DCC: variants seen among roughly 807,000 people sequenced by gnomAD.
DCC encodes DCC netrin 1 receptor.
Under a neutral mutation model 172.5 loss-of-function variants are expected in DCC, and 58 were observed. The observed-to-expected ratio is 0.34, with a 90% CI of 0.27 to 0.42. The LOEUF is 0.42. Ranked by LOEUF, DCC falls within the 10% of genes least tolerant of loss-of-function variation. DCC has a pLI of 1.00. For missense variants in DCC, 1,740 were observed against 1,791.0 expected, an observed-to-expected ratio of 0.97 and a Z score of 0.51; for synonymous variants, 709 against 644.5, an observed-to-expected ratio of 1.10 and a Z score of -1.52.
chr18:52,750,631 G>T (rs1000923282), intron 1 of DCC, among the ~76,000 whole-genome samples: 2 of 152,176 alleles, frequency 1.3e-5, no homozygotes, highest in Admixed American at 1.3e-4. Flanking sequence ...AATTGAGTAT[G>T]CAGGAACGAA....
intron 2 of DCC, among the ~76,000 whole-genome samples, chr18:52,794,832 T>C (rs1453702849): frequency 6.6e-6 from 1 of 151,940 alleles, no homozygotes; most frequent in Non-Finnish European, 1.5e-5. Flanking sequence ...TTGTTGAGAG[T>C]TTTTGTCATG....
chr18:53,456,332 G>A (rs2045482422), intron 23 of DCC, among the ~76,000 whole-genome samples: 1 of 152,136 alleles, frequency 6.6e-6, no homozygotes, highest in Non-Finnish European at 1.5e-5. Flanking sequence ...GATCTGAGAA[G>A]GAGAAAACAG....
chr18:52,589,380 A>G (rs2033747860), intron 1 of DCC, among the ~76,000 whole-genome samples: 1 of 152,354 alleles, frequency 6.6e-6, no homozygotes, highest in Middle Eastern at 3.4e-3. Context: ...CTATGACACA[A>G]ATAACCTAAG....
intron 1 of DCC, among the ~76,000 whole-genome samples, chr18:52,371,549 A>G (rs1011925385): frequency 3.9e-5 from 6 of 152,152 alleles, no homozygotes; most frequent in African/African-American, 1.4e-4. Context: ...TTTTAATTCC[A>G]TTTTACCCTT....
At chr18:53,464,979 C>CAAAAAAAAAAAAA (rs71179510) in intron 24 of DCC, among the ~76,000 whole-genome samples, 13 of 54,776 alleles carry the variant, frequency 2.4e-4, no homozygotes, top group Non-Finnish European at 3.8e-4. Flanking sequence ...AACTCAATCT[C>CAAAAAAAAAAAAA]AAAAAAAAAA....
At chr18:52,503,923 A>G (rs1011329217) in intron 1 of DCC, among the ~76,000 whole-genome samples, 1 of 152,160 alleles carries the variant, frequency 6.6e-6, no homozygotes, top group African/African-American at 2.4e-5. Flanking sequence ...CTTCTCTGCC[A>G]TGGGGAAATA....
At chr18:52,434,652 A>G (rs1327592318) in intron 1 of DCC, among the ~76,000 whole-genome samples, 1 of 151,644 alleles carries the variant, frequency 6.6e-6, no homozygotes, top group Admixed American at 6.6e-5. Context: ...TTTTTAAACC[A>G]GAGACCCTTT....
At chr18:52,970,497 T>G (rs1263461429) in intron 5 of DCC, among the ~76,000 whole-genome samples, 1 of 152,106 alleles carries the variant, frequency 6.6e-6, no homozygotes, top group Non-Finnish European at 1.5e-5. Flanking sequence ...TACTCTCCAG[T>G]GATTTTAAGT....
rs531451689 is a variant in DCC, at chr18:53,091,384, T to C, written c.1261+25218T>C. On this transcript the variant is annotated intron_variant, in intron 7 of 28. Transcript: ENST00000442544. ...ATACTAATATATATAAATATATATG[T>C]AAATTATATATAAATATATATGTAT... Among the ~76,000 whole-genome samples, 80 of 147,036 alleles carry C rather than the reference T, an allele frequency of 5.4e-4. No homozygotes were observed. The South Asian group carries it at 0.016, about 30-fold the overall frequency.
intron 1 of DCC, among the ~76,000 whole-genome samples, chr18:52,367,138 C>G (rs1465704596): frequency 6.6e-6 from 1 of 152,250 alleles, no homozygotes; most frequent in African/African-American, 2.4e-5. Context: ...TCCACAGCCA[C>G]TGGCCCGTGT....
rs543906915 is a variant in DCC at position 53,438,451 on chromosome 18, T to C, written c.3229+3242T>C. ...AAAAATATAAAGAGGCCAAGTAACATTTAAATTATTTCTGTGAGTAATAGA... is the reference window on the plus strand; with the variant it reads ...AAAAATATAAAGAGGCCAAGTAACACTTAAATTATTTCTGTGAGTAATAGA... On this transcript the variant is annotated intron_variant, in intron 22 of 28. Coordinates refer to ENST00000442544, the MANE Select transcript of DCC (RefSeq NM_005215.4). Among the ~76,000 whole-genome samples the C allele has an allele frequency of 4.6e-5, 7 of 152,336 alleles. No homozygotes were observed. In the East Asian group the frequency reaches 1.4e-3, roughly 29 times the overall value.
chr18:52,780,052 A>C (rs1023428647), intron 2 of DCC, among the ~76,000 whole-genome samples: 1 of 152,132 alleles, frequency 6.6e-6, no homozygotes, highest in Non-Finnish European at 1.5e-5. Flanking sequence ...TTACTACTTC[A>C]TCGTGGCCTT....
chr18:53,212,837 AT>A (rs1375733400), intron 11 of DCC, among the ~76,000 whole-genome samples: 1 of 151,866 alleles, frequency 6.6e-6, no homozygotes, highest in African/African-American at 2.4e-5. Flanking sequence ...CGCCAGGCTA[AT>A]TTTTTGTATT....
intron 28 of DCC, among the ~76,000 whole-genome samples, chr18:53,527,528 A>T (rs955950384): frequency 3.9e-5 from 6 of 152,166 alleles, no homozygotes; most frequent in African/African-American, 1.4e-4. Context: ...AAATAAAAAA[A>T]TTGAAGGAGT....
intron 11 of DCC, among the ~76,000 whole-genome samples, 163 bp downstream of exon 11, chr18:53,207,980 C>T (rs918660714): frequency 1.6e-4 from 25 of 152,012 alleles, no homozygotes; most frequent in African/African-American, 6.0e-4. Context: ...ATACATACTC[C>T]CAGCTGGATG....
intron 26 of DCC, among the ~76,000 whole-genome samples, chr18:53,493,559 G>T (rs939386176): frequency 6.6e-6 from 1 of 152,152 alleles, no homozygotes; most frequent in Admixed American, 6.6e-5. Context: ...TTGCACAGAG[G>T]TGTTTATAGT....
At position 53,499,475 on chromosome 18, in the gene DCC, C is replaced by T. The variant is rs750334840; in HGVS notation, c.4076C>T (p.Pro1359Leu). 2.9e-5 allele frequency: 46 copies of T among 1,613,952 alleles called. No individual in the cohort carries two copies. The highest frequency in any genetic ancestry group is 6.7e-5 in the African/African-American group (5 of 74,908). The change falls in exon 27 of 29, where the codon CCG becomes CTG. Residue 1359 changes from proline (P) to leucine (L), a missense_variant. Pro to Leu is a moderately conservative substitution (Grantham distance 98). Coordinates refer to ENST00000442544, the MANE Select transcript of DCC (RefSeq NM_005215.4). ...LLPPPMSAIE[P>L]KVPYTPLLSQ... is the part of the protein sequence containing the mutation. ...CCTCCACCAATGAGTGCAATAGAAC[C>T]GAAAGTCCCTTACACACCACTTTTG...
chr18:53,178,611 C>A (rs891095274), intron 8 of DCC, among the ~76,000 whole-genome samples: 1 of 152,194 alleles, frequency 6.6e-6, no homozygotes, highest in South Asian at 2.1e-4. Flanking sequence ...TTACAAAACT[C>A]GTCTTCCTGT....
chr18:52,479,196 C>G (rs1272324070), intron 1 of DCC, among the ~76,000 whole-genome samples: 2 of 152,102 alleles, frequency 1.3e-5, no homozygotes, highest in Non-Finnish European at 1.5e-5. Flanking sequence ...AGGGCCAATG[C>G]TTCTTATCTT....
Sources: allele counts gnomAD v4.1 joint callset (sites outside exome capture counted in the v4.1 genomes callset), GRCh38; gene constraint gnomAD v4.1.1; transcripts MANE v1.5; gene names NCBI Gene and HGNC (gene_info 2026-07-23, HGNC 2026-07-21).